PPARGC1A: variants seen among roughly 807,000 people sequenced by gnomAD.
PPARGC1A encodes the protein peroxisome proliferator-activated receptor gamma coactivator 1-alpha.
Under a neutral mutation model 88.7 loss-of-function variants are expected in PPARGC1A, and 25 were observed. The observed-to-expected ratio is 0.28, with a 90% CI of 0.21 to 0.39. The LOEUF is 0.39. Ranked by LOEUF, PPARGC1A falls within the 10% of genes least tolerant of loss-of-function variation. The pLI is 1.00. For synonymous variants in PPARGC1A, 363 were observed against 355.6 expected, an observed-to-expected ratio of 1.02 and a Z score of -0.24; for missense variants, 880 against 968.7, an observed-to-expected ratio of 0.91 and a Z score of 1.22.
the PPARGC1A span, among the ~76,000 whole-genome samples, chr4:24,404,427 T>G: frequency 1.3e-5 from 2 of 152,020 alleles, no homozygotes; most frequent in African/African-American, 4.8e-5. Flanking sequence ...TAAAAATCTT[T>G]AGTGAGTCTT....
At chr4:24,357,972 C>T in the PPARGC1A span, among the ~76,000 whole-genome samples, 35 of 152,264 alleles carry the variant, frequency 2.3e-4, no homozygotes, top group Middle Eastern at 0.014. Flanking sequence ...TATACTGTTG[C>T]TTAATCTATC....
chr4:23,921,545 G>A, the PPARGC1A span, among the ~76,000 whole-genome samples: 1 of 152,188 alleles, frequency 6.6e-6, no homozygotes, highest in Non-Finnish European at 1.5e-5. Flanking sequence ...CAGGCACACT[G>A]AACACCATTT....
At chr4:24,003,381 T>TA in the PPARGC1A span, among the ~76,000 whole-genome samples, 3 of 152,138 alleles carry the variant, frequency 2.0e-5, no homozygotes, top group African/African-American at 7.2e-5. Flanking sequence ...ACCTAAGGCC[T>TA]AAAAACAGAT....
the PPARGC1A span, among the ~76,000 whole-genome samples, chr4:24,175,537 GC>G: frequency 3.9e-5 from 4 of 101,458 alleles, no homozygotes; most frequent in East Asian, 3.1e-4. Context: ...ACCACACCAA[GC>G]TTTTTTTTTT....
At chr4:24,306,063 C>T in the PPARGC1A span, among the ~76,000 whole-genome samples, 4 of 152,116 alleles carry the variant, frequency 2.6e-5, no homozygotes, top group African/African-American at 7.2e-5. Flanking sequence ...CTATGAGTTA[C>T]GAGAACACAA....
At chr4:23,817,601 G>C (rs933572807) in intron 7 of PPARGC1A, among the ~76,000 whole-genome samples, 1 of 152,062 alleles carries the variant, frequency 6.6e-6, no homozygotes, top group Non-Finnish European at 1.5e-5. Context: ...TATAAGGGCT[G>C]GAAATTTCTG....
the PPARGC1A span, among the ~76,000 whole-genome samples, chr4:24,194,717 T>C: frequency 6.6e-6 from 1 of 151,596 alleles, no homozygotes; most frequent in Non-Finnish European, 1.5e-5. Context: ...TTGGCTCTGA[T>C]GGGTGCAGAT....
chr4:23,867,759 C>T (rs760508353), intron 2 of PPARGC1A, among the ~76,000 whole-genome samples: 53 of 152,164 alleles, frequency 3.5e-4, no homozygotes, highest in Non-Finnish European at 7.1e-4. Context: ...TTTCTAGCCC[C>T]TAAGCTTGAT....
At chr4:23,903,705 C>A (rs1467286573), upstream of PPARGC1A, among the ~76,000 whole-genome samples, 1 of 152,082 alleles carries the variant, frequency 6.6e-6, no homozygotes, top group East Asian at 1.9e-4. Context: ...AAAAAGAATG[C>A]ACTAGATCAC....
At chr4:24,435,954 T>C in the PPARGC1A span, among the ~76,000 whole-genome samples, 1 of 152,210 alleles carries the variant, frequency 6.6e-6, no homozygotes, top group Non-Finnish European at 1.5e-5. Context: ...CTGTGAAATG[T>C]CCTAGCCCCT....
the PPARGC1A span, among the ~76,000 whole-genome samples, chr4:24,161,961 TACACACACACACACACAC>T: frequency 9.4e-4 from 126 of 133,938 alleles, no homozygotes; most frequent in East Asian, 2.0e-3. Flanking sequence ...AATTGTGATA[TACACACACACACACACAC>T]ACACACACAC....
At chr4:24,025,476 C>T in the PPARGC1A span, among the ~76,000 whole-genome samples, 35 of 152,160 alleles carry the variant, frequency 2.3e-4, no homozygotes, top group Non-Finnish European at 4.4e-4. Context: ...AGGGTACTCT[C>T]TCCTCCCTCC....
the PPARGC1A span, among the ~76,000 whole-genome samples, chr4:24,052,927 T>G: frequency 1.5e-5 from 2 of 134,938 alleles, no homozygotes; most frequent in African/African-American, 5.4e-5. Flanking sequence ...GCAGTGGTGC[T>G]ATCTTGGCTC....
the PPARGC1A span, among the ~76,000 whole-genome samples, chr4:24,127,528 T>C: frequency 1.3e-5 from 2 of 151,070 alleles, no homozygotes; most frequent in African/African-American, 4.8e-5. Context: ...ATTAACTTTA[T>C]ATATATATAT....
chr4:24,385,305 C>T, the PPARGC1A span, among the ~76,000 whole-genome samples: 5 of 151,892 alleles, frequency 3.3e-5, no homozygotes, highest in Admixed American at 1.3e-4. Context: ...GATCTAAAAT[C>T]GACACCCTAA....
the PPARGC1A span, among the ~76,000 whole-genome samples, chr4:24,104,845 A>G: frequency 6.6e-6 from 1 of 152,306 alleles, no homozygotes; most frequent in South Asian, 2.1e-4. Flanking sequence ...TGGAGAAATC[A>G]CACGGTACTT....
chr4:24,378,925 G>A, the PPARGC1A span, among the ~76,000 whole-genome samples: 4 of 152,086 alleles, frequency 2.6e-5, no homozygotes, highest in South Asian at 8.3e-4. Context: ...AACATCTAAA[G>A]GGTTAATGGA....
At chr4:24,262,326 G>A in the PPARGC1A span, among the ~76,000 whole-genome samples, 85 of 152,342 alleles carry the variant, frequency 5.6e-4, 1 homozygote, top group African/African-American at 1.9e-3. Context: ...AGAAGTGAAA[G>A]TGGCCCTGCC....
chr4:24,382,598 C>T, the PPARGC1A span, among the ~76,000 whole-genome samples: 1 of 152,210 alleles, frequency 6.6e-6, no homozygotes, highest in East Asian at 1.9e-4. Context: ...CTGTTTAGAA[C>T]TGATACAAGG....
Sources: allele counts gnomAD v4.1 joint callset (sites outside exome capture counted in the v4.1 genomes callset), GRCh38; gene constraint gnomAD v4.1.1; transcripts MANE v1.5; gene names NCBI Gene and HGNC (gene_info 2026-07-23, HGNC 2026-07-21).